The following SULF2 variants were observed in gnomAD, a reference collection of about 807,000 sequenced individuals.
The protein encoded by SULF2 is extracellular sulfatase Sulf-2.
A neutral mutation model predicts 107.7 loss-of-function variants in SULF2; 52 were observed. The ratio of observed to expected loss-of-function variants is 0.48; its 90% CI spans 0.39 to 0.61. The LOEUF is 0.61. SULF2 is among the 20% of genes least tolerant of loss of function. The probability of loss-of-function intolerance (pLI) is 0.00; values close to 1 mark genes in which losing one functional copy is unlikely to be tolerated. For synonymous variants in SULF2, 460 were observed against 464.3 expected (o/e 0.99, Z 0.12); for missense variants, 993 against 1,177.3 (o/e 0.84, Z 2.29).
intron 3 of SULF2, among the ~76,000 whole-genome samples, chr20:47,733,889 G>A (rs997180536): frequency 6.6e-6 from 1 of 152,126 alleles, no homozygotes; most frequent in Non-Finnish European, 1.5e-5. Flanking sequence ...ATGAAATGTT[G>A]GTCCACTTAA....
intron 3 of SULF2, among the ~76,000 whole-genome samples, chr20:47,726,712 C>T (rs1255857275): frequency 3.3e-5 from 5 of 152,192 alleles, no homozygotes; most frequent in African/African-American, 1.2e-4. Flanking sequence ...TTGGCTCCAG[C>T]CTAACTCATT....
chr20:47,667,529 G>A (rs1023920464), intron 11 of SULF2, among the ~76,000 whole-genome samples: 1 of 152,174 alleles, frequency 6.6e-6, no homozygotes, highest in Admixed American at 6.5e-5. Context: ...GGAAACAGAT[G>A]TCTCACGGGC....
chr20:47,737,877 C>G (rs939052571), intron 2 of SULF2, among the ~76,000 whole-genome samples: 3 of 150,210 alleles, frequency 2.0e-5, no homozygotes, highest in Admixed American at 6.7e-5. Context: ...ATTCCCCTGC[C>G]TCAGCCTCCC....
At chr20:47,705,518 C>T (rs1320593640) in intron 3 of SULF2, among the ~76,000 whole-genome samples, 1 of 152,174 alleles carries the variant, frequency 6.6e-6, no homozygotes, top group East Asian at 1.9e-4. Flanking sequence ...CTGCACTTCT[C>T]TTTCTCTGGG....
In SULF2 at chr20:47,696,857, G is replaced by A. The variant is rs543672280; in HGVS notation, c.567+5662C>T. Among the ~76,000 whole-genome samples the A allele has an allele frequency of 8.5e-5, 13 of 152,330 alleles. No individual in the cohort carries two copies. In the East Asian group the frequency reaches 2.5e-3, roughly 29 times the overall value. On this transcript the variant is annotated intron_variant, in intron 4 of 20. Coordinates refer to ENST00000688720, the MANE Select transcript of SULF2 (RefSeq NM_001387048.1). ...CCTTTGCCGAGGATCTTCCAGAGGA[G>A]GGATGCTTCACGGTCATTTAGTTAT...
chr20:47,701,147 G>A (rs528965695), intron 4 of SULF2, among the ~76,000 whole-genome samples: 3 of 152,322 alleles, frequency 2.0e-5, no homozygotes, highest in African/African-American at 7.2e-5. Flanking sequence ...CAGACATTGC[G>A]CTGGGTGAAA....
rs1436948943 is a variant in SULF2, at chr20:47,677,071, C to T, written c.1250+7G>A. 3.1e-6 allele frequency: 5 copies of T among 1,612,538 alleles called. No individual in the cohort carries two copies. Among genetic ancestry groups the T allele is most frequent in the Non-Finnish European group, 4.2e-6 (5 of 1,179,694 alleles). ...CAGGGGTGTCCCTCCCAGGACCCGG[C>T]ACTCACCCTCTCTCCACCAAGAAGG... On this transcript the variant is annotated splice_region_variant and intron_variant, in intron 9 of 20. Transcript: ENST00000688720.
intron 17 of SULF2, 144 bp from the exon 18 acceptor site, chr20:47,662,040 G>A: frequency 1.2e-6 from 1 of 849,914 alleles, no homozygotes; most frequent in South Asian, 4.0e-5. Context: ...ACTTCTGCAA[G>A]AGCCAGCGTT....
At chr20:47,677,035 AG>A in intron 9 of SULF2, 42 bp downstream of exon 9, 1 of 1,603,034 alleles carries the variant, frequency 6.2e-7, no homozygotes, top group Non-Finnish European at 8.5e-7. Context: ...GGGCAGAGGG[AG>A]GGAGGTGGGC....
rs1461360395 is a variant in SULF2 at position 47,745,399 on chromosome 20, AAAAAAAAAAAAATATATATATATAT to A, written c.176-8482_176-8458del. 6.1e-4 allele frequency among the ~76,000 whole-genome samples: 17 copies of A among 27,738 alleles called. 1 individual carries two copies. Among genetic ancestry groups the A allele is most frequent in the African/African-American group, 3.8e-3 (16 of 4,224 alleles). 18.2% of individuals were successfully genotyped at this position (27,738 alleles called of 152,430 possible). On this transcript the variant is annotated intron_variant, in intron 2 of 20. Coordinates refer to ENST00000688720, the MANE Select transcript of SULF2 (RefSeq NM_001387048.1). The stretch of plus-strand genomic sequence containing the variant: ...TTTTGAGGGAAAAAAAAAAAAAAAA[AAAAAAAAAAAAATATATATATATAT>A]ATATATATATATATATATATATATA...
chr20:47,666,589 C>T lies in SULF2; in HGVS notation c.1577-101G>A, dbSNP rs886854485. ...ATCAAGATAGGGCCGGGCTTCCAAGCATGAGGCTCAGCTTTGCCTGCGACT... is the reference window on the plus strand; with the variant it reads ...ATCAAGATAGGGCCGGGCTTCCAAGTATGAGGCTCAGCTTTGCCTGCGACT... On this transcript the variant is annotated intron_variant, in intron 11 of 20. Coordinates refer to ENST00000688720, the MANE Select transcript of SULF2 (RefSeq NM_001387048.1). The surrounding 1 kb of genome is among the most constrained non-coding windows in gnomAD (Gnocchi z 5.4). The T allele has an allele frequency of 2.8e-5, 26 of 937,758 alleles. No individual in the cohort carries two copies. Among genetic ancestry groups the T allele is most frequent in the South Asian group, 2.1e-4 (14 of 65,332 alleles). 58.1% of individuals were successfully genotyped at this position (937,758 alleles called of 1,614,324 possible). A position where few individuals can be genotyped will look rare whatever the true frequency, so the allele number is the denominator to read the frequency against.
chr20:47,668,795 G>A (rs1268074239), intron 11 of SULF2, among the ~76,000 whole-genome samples: 1 of 152,114 alleles, frequency 6.6e-6, no homozygotes, highest in Non-Finnish European at 1.5e-5. Context: ...CCACGCCGGT[G>A]ACCGCCTGTG....
chr20:47,662,939 T>C, intron 17 of SULF2, 131 bp downstream of exon 17: 1 of 1,020,126 alleles, frequency 9.8e-7, no homozygotes, highest in Admixed American at 2.3e-5. Context: ...GCTTCACAAC[T>C]TACTCCCACC....
chr20:47,662,027 C>T (rs2087093668), intron 17 of SULF2, 131 bp from the exon 18 acceptor site: 1 of 948,762 alleles, frequency 1.1e-6, no homozygotes, highest in Admixed American at 3.1e-5. Context: ...CCTGTTTACT[C>T]CAACTTCTGC....
rs568743948 is a variant in SULF2, at chr20:47,758,856, G to A, written c.-100-1393C>T. 6.6e-5 allele frequency among the ~76,000 whole-genome samples: 10 copies of A among 152,280 alleles called. No homozygotes were observed. The East Asian group carries it at 1.9e-3, about 29-fold the overall frequency. On this transcript the variant is annotated intron_variant, in intron 1 of 20. Transcript: ENST00000688720. ...GGCTGTGTTGCTGTGACCTTGAAAG[G>A]GTCTGTTTGTCCTTGCCCTTCATGG...
At chr20:47,752,540 G>C (rs1460887019) in intron 2 of SULF2, among the ~76,000 whole-genome samples, 1 of 147,398 alleles carries the variant, frequency 6.8e-6, no homozygotes, top group Middle Eastern at 3.2e-3. Flanking sequence ...CAACCAGCCT[G>C]AGCAACATGG....
chr20:47,776,096 C>T (rs62202164), intron 1 of SULF2, among the ~76,000 whole-genome samples: 5,815 of 152,256 alleles, frequency 0.038, 178 homozygotes, highest in Non-Finnish European at 0.061. Context: ...AATATTGCTC[C>T]ACAATGAGAA....
intron 1 of SULF2, among the ~76,000 whole-genome samples, chr20:47,783,573 C>T (rs2090869100): frequency 6.6e-6 from 1 of 152,208 alleles, no homozygotes; most frequent in African/African-American, 2.4e-5. Context: ...CAACTCATCA[C>T]TCTACTCTCA....
intron 5 of SULF2, chr20:47,686,436 C>T (rs1436088900): frequency 6.6e-6 from 1 of 152,232 alleles, no homozygotes; most frequent in Non-Finnish European, 1.5e-5. Context: ...TGTTTAAGGC[C>T]TCACAAAACG....
Sources: gnomAD v4.1 joint callset for allele counts (sites outside exome capture counted in the v4.1 genomes callset) on GRCh38, gnomAD v4.1.1 for gene constraint, Gnocchi (gnomAD v3.1) non-coding constraint, MANE v1.5 for transcripts, NCBI Gene and HGNC (gene_info 2026-07-23, HGNC 2026-07-21) for gene names.